FAM185A: variants seen among roughly 807,000 people sequenced by gnomAD.
FAM185A encodes the protein family with sequence similarity 185 member A, also known as protein FAM185A.
Under a neutral mutation model 45.7 loss-of-function variants are expected in FAM185A, and 21 were observed. That is an observed-to-expected ratio of 0.46 (90% CI 0.33 to 0.66). The LOEUF is 0.66. Ranked by LOEUF, FAM185A falls within the 30% of genes least tolerant of loss-of-function variation. The pLI is 0.03. For missense variants in FAM185A, 305 were observed against 485.4 expected (o/e 0.63, Z 3.49); for synonymous variants, 117 against 194.0 (o/e 0.60, Z 3.30).
the FAM185A span, among the ~76,000 whole-genome samples, chr7:102,831,600 C>G: frequency 1.3e-5 from 2 of 152,266 alleles, no homozygotes; most frequent in African/African-American, 4.8e-5. Flanking sequence ...TTAAGAATCT[C>G]TAACTCAGTC....
At chr7:102,849,287 A>G in the FAM185A span, among the ~76,000 whole-genome samples, 1 of 152,256 alleles carries the variant, frequency 6.6e-6, no homozygotes, top group Non-Finnish European at 1.5e-5. Context: ...TTGTTCTCAG[A>G]AAAGAACTAA....
chr7:102,804,601 A>G (rs1336268493), intron 7 of FAM185A, among the ~76,000 whole-genome samples: 1 of 152,200 alleles, frequency 6.6e-6, no homozygotes, highest in Non-Finnish European at 1.5e-5. Flanking sequence ...CATTAGAAAA[A>G]CCCTTCTAGA....
At chr7:102,826,112 A>G in the FAM185A span, among the ~76,000 whole-genome samples, 1 of 152,140 alleles carries the variant, frequency 6.6e-6, no homozygotes, top group Non-Finnish European at 1.5e-5. Context: ...AGTTTGCTGA[A>G]TTATACTTTT....
At chr7:102,787,039 A>G (rs1795849624) in intron 6 of FAM185A, among the ~76,000 whole-genome samples, 1 of 152,210 alleles carries the variant, frequency 6.6e-6, no homozygotes, top group East Asian at 1.9e-4. Context: ...CTACAGGTGT[A>G]GTAAATTACT....
At chr7:102,772,954 C>G (rs2129436756) in intron 5 of FAM185A, among the ~76,000 whole-genome samples, 1 of 151,976 alleles carries the variant, frequency 6.6e-6, no homozygotes, top group South Asian at 2.1e-4. Context: ...TCTCTGAGCC[C>G]TGGGAAGAAA....
intron 7 of FAM185A, among the ~76,000 whole-genome samples, chr7:102,799,460 A>G (rs1417867043): frequency 6.6e-6 from 1 of 152,266 alleles, no homozygotes; most frequent in Non-Finnish European, 1.5e-5. Flanking sequence ...CAAAAAGATC[A>G]GATGGTACAA....
intron 6 of FAM185A, among the ~76,000 whole-genome samples, chr7:102,783,364 A>G (rs1795543269): frequency 6.6e-6 from 1 of 152,054 alleles, no homozygotes; most frequent in Admixed American, 6.6e-5. Flanking sequence ...TCAGCACCAC[A>G]CCGCACTTAT....
At chr7:102,841,327 G>C in the FAM185A span, among the ~76,000 whole-genome samples, 1 of 152,048 alleles carries the variant, frequency 6.6e-6, no homozygotes, top group Non-Finnish European at 1.5e-5. Context: ...TAAAGAGTGG[G>C]AGAGGGCTCC....
chr7:102,846,118 A>G, the FAM185A span, among the ~76,000 whole-genome samples: 1 of 152,228 alleles, frequency 6.6e-6, no homozygotes, highest in Non-Finnish European at 1.5e-5. Flanking sequence ...CTAAATTGAT[A>G]TTAGCTGACA....
downstream of FAM185A, among the ~76,000 whole-genome samples, chr7:102,812,970 G>A (rs555162353): frequency 2.0e-5 from 3 of 151,740 alleles, no homozygotes; most frequent in East Asian, 5.8e-4. Context: ...AGCCTCCTGA[G>A]TAGCTGGGAT....
At chr7:102,791,930 C>T (rs1283019703) in intron 7 of FAM185A, among the ~76,000 whole-genome samples, 3 of 152,128 alleles carry the variant, frequency 2.0e-5, no homozygotes, top group Admixed American at 6.5e-5. Context: ...TGGAGATTTC[C>T]AATCTGAAAC....
the FAM185A span, among the ~76,000 whole-genome samples, chr7:102,836,983 T>C: frequency 6.6e-6 from 1 of 152,222 alleles, no homozygotes; most frequent in South Asian, 2.1e-4. Flanking sequence ...TTCTGGAAAA[T>C]ATGTGCTGTC....
the FAM185A span, among the ~76,000 whole-genome samples, chr7:102,841,211 T>C: frequency 6.6e-6 from 1 of 151,348 alleles, no homozygotes; most frequent in African/African-American, 2.4e-5. Flanking sequence ...ATGTTTATTT[T>C]CCCTTTTTTT....
chr7:102,797,175 C>T (rs1333500921), intron 7 of FAM185A, among the ~76,000 whole-genome samples: 3 of 152,060 alleles, frequency 2.0e-5, no homozygotes, highest in African/African-American at 7.2e-5. Context: ...AGTTAAAGAA[C>T]GTTGAGGCTG....
chr7:102,827,740 T>G, the FAM185A span, among the ~76,000 whole-genome samples: 1 of 152,128 alleles, frequency 6.6e-6, no homozygotes, highest in Admixed American at 6.6e-5. Flanking sequence ...TGTGTTCTCA[T>G]TGTTCAATTC....
chr7:102,780,901 C>A (rs140591788), intron 6 of FAM185A, among the ~76,000 whole-genome samples: 28,523 of 152,128 alleles, frequency 0.19, 2,693 homozygotes, highest in Middle Eastern at 0.31. Context: ...CAGGGAATAC[C>A]CTTTCCTAGT....
downstream of FAM185A, chr7:102,813,636 G>C (rs1470919818): frequency 1.8e-6 from 2 of 1,134,244 alleles, no homozygotes; most frequent in Non-Finnish European, 2.6e-6. Context: ...GTCACAATCT[G>C]AATTCACATG....
the FAM185A span, among the ~76,000 whole-genome samples, chr7:102,836,444 C>A: frequency 2.6e-5 from 4 of 152,216 alleles, no homozygotes; most frequent in African/African-American, 9.6e-5. Context: ...TTCCCCCCTA[C>A]AGATAAGATT....
In FAM185A at chr7:102,749,598, A is replaced by T; in HGVS notation, c.391A>T (p.Ile131Phe). 6.6e-7 allele frequency: 1 copy of T among 1,524,604 alleles called. No homozygotes were observed. 94.4% of individuals were successfully genotyped at this position (1,524,604 alleles called of 1,614,324 possible). A position where few individuals can be genotyped will look rare whatever the true frequency, so the allele number is the denominator to read the frequency against. ...CGACGAGGATCTGGAGGAGATGGCC[A>T]TTGTGTCTGATACTATCCACCCCCA... ...KYDEDLEEMA[I>F]VSDTIHPQAS... Residue 131 changes from isoleucine (I) to phenylalanine (F), a missense_variant, in exon 1 of 8, where the codon ATT becomes TTT. Coordinates refer to ENST00000413034, the MANE Select transcript of FAM185A (RefSeq NM_001145268.2).
Sources: allele counts gnomAD v4.1 joint callset (sites outside exome capture counted in the v4.1 genomes callset), GRCh38; gene constraint gnomAD v4.1.1; transcripts MANE v1.5; gene names NCBI Gene and HGNC (gene_info 2026-07-23, HGNC 2026-07-21).